ZNRF1: variants seen among roughly 807,000 people sequenced by gnomAD.
The protein encoded by ZNRF1 is zinc and ring finger 1.
In ZNRF1, 3 loss-of-function variants were observed where a neutral mutation model predicts 18.4. The ratio of observed to expected loss-of-function variants is 0.16; its 90% CI spans 0.07 to 0.42. The LOEUF (loss-of-function observed/expected upper bound fraction) is 0.42. ZNRF1 is among the 10% of genes least tolerant of loss of function. The pLI, the probability that ZNRF1 is intolerant of heterozygous loss-of-function variation, is 0.99. For synonymous variants in ZNRF1, 157 were observed against 144.2 expected (o/e 1.09, Z -0.64); for missense variants, 310 against 329.8 (o/e 0.94, Z 0.47).
rs2035914643 is a variant in ZNRF1, at chr16:75,074,536, A to G, written c.425-19036A>G. Among the ~76,000 whole-genome samples the G allele has an allele frequency of 2.0e-5, 3 of 152,248 alleles. No individual in the cohort carries two copies. The South Asian group carries it at 6.2e-4, about 32-fold the overall frequency. The stretch of plus-strand genomic sequence containing the variant: ...GGGAGAGTGAGTTGGGATAAAGATC[A>G]GATGACCATATAATTTATCATTCAA... On this transcript the variant is annotated intron_variant, in intron 1 of 4. Coordinates refer to ENST00000335325, the MANE Select transcript of ZNRF1 (RefSeq NM_032268.5).
chr16:75,040,348 G>A (rs929410684), intron 1 of ZNRF1, among the ~76,000 whole-genome samples: 5 of 151,666 alleles, frequency 3.3e-5, no homozygotes, highest in African/African-American at 1.2e-4. Flanking sequence ...TCAAACTCTT[G>A]GGCTCAAGCA....
At chr16:75,085,815 A>AGAGT (rs1555513831) in intron 1 of ZNRF1, among the ~76,000 whole-genome samples, 4 of 146,728 alleles carry the variant, frequency 2.7e-5, no homozygotes, top group African/African-American at 8.0e-5. Context: ...AGAGAGAGAG[A>AGAGT]GAGTGAGTGT....
At chr16:75,024,433 A>G (rs1332157709) in intron 1 of ZNRF1, among the ~76,000 whole-genome samples, 1 of 152,232 alleles carries the variant, frequency 6.6e-6, no homozygotes, top group Non-Finnish European at 1.5e-5. Flanking sequence ...AGTTCAGTAA[A>G]TATACACATG....
At chr16:75,089,819 AG>A in intron 1 of ZNRF1, among the ~76,000 whole-genome samples, 1 of 152,228 alleles carries the variant, frequency 6.6e-6, no homozygotes, top group Non-Finnish European at 1.5e-5. Flanking sequence ...CCTACTTCCT[AG>A]TACCTTAGCT....
At chr16:75,053,589 CAAA>C (rs56775288) in intron 1 of ZNRF1, among the ~76,000 whole-genome samples, 35 of 71,604 alleles carry the variant, frequency 4.9e-4, no homozygotes, top group Admixed American at 2.8e-3. Context: ...GACTCCATCT[CAAA>C]AAAAAAAAAA....
chr16:75,060,690 T>C (rs2035731782), intron 1 of ZNRF1, among the ~76,000 whole-genome samples: 1 of 151,858 alleles, frequency 6.6e-6, no homozygotes. Context: ...TTGGCCAGGC[T>C]GGTCTTGAGC....
At chr16:75,024,788 T>A (rs907018955) in intron 1 of ZNRF1, among the ~76,000 whole-genome samples, 1 of 152,256 alleles carries the variant, frequency 6.6e-6, no homozygotes, top group Admixed American at 6.5e-5. Context: ...AGCAAATCTT[T>A]TAAGAAACAA....
At chr16:75,023,455 G>A (rs1333384856) in intron 1 of ZNRF1, among the ~76,000 whole-genome samples, 1 of 152,200 alleles carries the variant, frequency 6.6e-6, no homozygotes, top group Non-Finnish European at 1.5e-5. Flanking sequence ...AGGCCAAGGT[G>A]GATGGATCAC....
At chr16:75,027,260 G>T (rs1484991193) in intron 1 of ZNRF1, among the ~76,000 whole-genome samples, 3 of 152,046 alleles carry the variant, frequency 2.0e-5, no homozygotes, top group African/African-American at 7.2e-5. Flanking sequence ...AACATAGCAA[G>T]ACCCTGTCTC....
chr16:75,072,924 A>G (rs1207327613), intron 1 of ZNRF1, among the ~76,000 whole-genome samples: 1 of 152,202 alleles, frequency 6.6e-6, no homozygotes, highest in Non-Finnish European at 1.5e-5. Context: ...GTGTTGGTGT[A>G]GTGATGGGCC....
chr16:75,088,317 C>T (rs1357839159), intron 1 of ZNRF1, among the ~76,000 whole-genome samples: 1 of 152,134 alleles, frequency 6.6e-6, no homozygotes, highest in Non-Finnish European at 1.5e-5. Context: ...TTTTTTCTGT[C>T]CTTCTTACCT....
Position 75,106,823 on chromosome 16 carries a change from A to G in ZNRF1, c.*32+252A>G, listed in dbSNP as rs77869940. ...GTTAGGATCAGTTGGGGAAGAGACC[A>G]GTACAATCTACATTCCTAAAGAAAG... On this transcript the variant is annotated intron_variant, in intron 4 of 4. Transcript: ENST00000335325. 557 of 405,394 alleles carry G rather than the reference A, an allele frequency of 1.4e-3. 1 individual carries two copies. Among genetic ancestry groups the G allele is most frequent in the African/African-American group, 9.6e-3 (478 of 49,918 alleles). The allele number at this position is 405,394 out of a possible 1,614,324, so 25.1% of individuals were successfully genotyped here. A position where few individuals can be genotyped will look rare whatever the true frequency, so the allele number is the denominator to read the frequency against.
At chr16:75,027,701 C>G (rs2035244915) in intron 1 of ZNRF1, among the ~76,000 whole-genome samples, 1 of 152,138 alleles carries the variant, frequency 6.6e-6, no homozygotes, top group Non-Finnish European at 1.5e-5. Context: ...ACTTGCTTGG[C>G]TAAATCACAA....
At position 75,060,626 on chromosome 16, in the gene ZNRF1, A is replaced by G. The variant is rs141527870; in HGVS notation, c.425-32946A>G. 8.6e-4 allele frequency among the ~76,000 whole-genome samples: 131 copies of G among 151,622 alleles called. 3 individuals carry two copies. The East Asian group carries it at 0.024, about 27-fold the overall frequency. ...CAAGTAGCTGGTATTACAGGCACAC[A>G]CCACCCTGCCTTGCTAATTTTTGTA... On this transcript the variant is annotated intron_variant, in intron 1 of 4. Transcript: ENST00000335325.
At chr16:75,027,072 A>G (rs547016560) in intron 1 of ZNRF1, among the ~76,000 whole-genome samples, 1 of 152,236 alleles carries the variant, frequency 6.6e-6, no homozygotes, top group South Asian at 2.1e-4. Flanking sequence ...ACCAAGACCC[A>G]GCGGTTAGGG....
At chr16:75,037,185 A>T (rs2035386089) in intron 1 of ZNRF1, among the ~76,000 whole-genome samples, 1 of 152,220 alleles carries the variant, frequency 6.6e-6, no homozygotes, top group South Asian at 2.1e-4. Flanking sequence ...ATCTGTATTC[A>T]TCCAGGATCT....
intron 1 of ZNRF1, among the ~76,000 whole-genome samples, chr16:75,063,714 C>G (rs2035768978): frequency 1.3e-5 from 2 of 152,158 alleles, no homozygotes; most frequent in Non-Finnish European, 2.9e-5. Context: ...TGAATGCTTG[C>G]GAGCACCTTG....
chr16:75,016,302 T>C (rs534324901), intron 1 of ZNRF1, among the ~76,000 whole-genome samples: 142 of 143,856 alleles, frequency 9.9e-4, no homozygotes, highest in Non-Finnish European at 1.5e-3. Context: ...GCAGTGGCGT[T>C]ATCTCGGCTC....
intron 1 of ZNRF1, chr16:75,002,454 G>C (rs1227525936): frequency 1.3e-5 from 2 of 152,244 alleles, no homozygotes; most frequent in Non-Finnish European, 2.9e-5. Flanking sequence ...ATGCCTGGAA[G>C]TTGATATGAT....
Sources: gnomAD v4.1 joint callset for allele counts (sites outside exome capture counted in the v4.1 genomes callset) on GRCh38, gnomAD v4.1.1 for gene constraint, MANE v1.5 for transcripts, NCBI Gene and HGNC (gene_info 2026-07-23, HGNC 2026-07-21) for gene names.